Variants in PCDHA2 observed in about 807,000 individuals in gnomAD.
PCDHA2 encodes protocadherin alpha 2.
A neutral mutation model predicts 66.0 loss-of-function variants in PCDHA2; 58 were observed. The observed-to-expected ratio is 0.88, with a 90% CI of 0.71 to 1.09. The LOEUF (loss-of-function observed/expected upper bound fraction) is 1.09. Ranked by LOEUF, PCDHA2 falls within the 50% of genes least tolerant of loss-of-function variation. PCDHA2 has a pLI of 0.00. For missense variants in PCDHA2, 1,267 were observed against 1,242.3 expected, an observed-to-expected ratio of 1.02 and a Z score of -0.30; for synonymous variants, 634 against 554.0, an observed-to-expected ratio of 1.14 and a Z score of -2.03.
chr5:141,006,872 G>T (rs1211849672), intron 3 of PCDHA2, among the ~76,000 whole-genome samples: 1 of 152,144 alleles, frequency 6.6e-6, no homozygotes, highest in Non-Finnish European at 1.5e-5. Flanking sequence ...ATAGATTCGA[G>T]GAATCAAGAG....
intron 1 of PCDHA2, chr5:140,869,367 T>G (rs2051076893): frequency 6.2e-7 from 1 of 1,614,002 alleles, no homozygotes; most frequent in South Asian, 1.1e-5. Context: ...TTGTGAATTC[T>G]CGGATCGACC....
chr5:140,921,824 A>G (rs1554200461), intron 1 of PCDHA2, among the ~76,000 whole-genome samples: 1 of 152,172 alleles, frequency 6.6e-6, no homozygotes. Flanking sequence ...GTGAATATCT[A>G]TACACATATA....
intron 1 of PCDHA2, chr5:140,849,943 ACG>A (rs2041244627): frequency 1.3e-6 from 2 of 1,597,782 alleles, no homozygotes; most frequent in Admixed American, 1.7e-5. Context: ...CGGGACGCTG[ACG>A]CGCAGGAGAA....
chr5:140,835,404 G>A, intron 1 of PCDHA2: 1 of 1,614,010 alleles, frequency 6.2e-7, no homozygotes, highest in Non-Finnish European at 8.5e-7. Flanking sequence ...TGTGGAAGTT[G>A]TGGATGTAAA....
intron 1 of PCDHA2, among the ~76,000 whole-genome samples, chr5:140,902,661 C>T (rs1554190552): frequency 6.6e-6 from 1 of 152,036 alleles, no homozygotes; most frequent in Non-Finnish European, 1.5e-5. Flanking sequence ...CACCTGTCAC[C>T]CAAGCAGTGT....
intron 3 of PCDHA2, among the ~76,000 whole-genome samples, chr5:140,989,548 T>G (rs914557459): frequency 1.3e-5 from 2 of 152,166 alleles, no homozygotes; most frequent in Non-Finnish European, 2.9e-5. Flanking sequence ...TGTAATTCCT[T>G]TACGTTTTGT....
At chr5:140,906,807 A>G (rs2072952420) in intron 1 of PCDHA2, among the ~76,000 whole-genome samples, 1 of 152,004 alleles carries the variant, frequency 6.6e-6, no homozygotes, top group African/African-American at 2.4e-5. Flanking sequence ...ACTCTTCCTT[A>G]CCTCCACTGT....
At chr5:140,802,007 T>C in intron 1 of PCDHA2, 1 of 1,614,172 alleles carries the variant, frequency 6.2e-7, no homozygotes. Context: ...CCGATTTGGA[T>C]GAAGGAGTAA....
intron 1 of PCDHA2, chr5:140,808,730 G>A (rs1554124735): frequency 4.3e-6 from 7 of 1,612,050 alleles, no homozygotes; most frequent in Non-Finnish European, 5.9e-6. Flanking sequence ...TGCGGAGAGC[G>A]GCAAGGTGTA....
At chr5:140,810,918 C>A (rs1328218288) in intron 1 of PCDHA2, 3 of 152,014 alleles carry the variant, frequency 2.0e-5, no homozygotes, top group Non-Finnish European at 4.4e-5. Context: ...TCTTTTATTT[C>A]ATTGTTTACA....
rs2150461190 is a variant in PCDHA2 at position 140,849,977 on chromosome 5, G to C, written c.2388+52625G>C. On this transcript the variant is annotated intron_variant, in intron 1 of 3. Coordinates refer to ENST00000526136, the MANE Select transcript of PCDHA2 (RefSeq NM_018905.3). ...AGAACGCCCTGGTGTCCTACTCGCT[G>C]GTGGAGCGGCGGTTGGGCGAGCGCT... 2.2e-5 allele frequency: 35 copies of C among 1,597,540 alleles called. 4 individuals are homozygous for C. The highest frequency in any genetic ancestry group is 3.0e-5 in the Non-Finnish European group (35 of 1,167,900).
chr5:140,863,010 A>ACGCCTGGTTGT (rs782452232), intron 1 of PCDHA2: 1 of 552,120 alleles, frequency 1.8e-6, no homozygotes, highest in African/African-American at 1.9e-5. Context: ...TCCAGCTATG[A>ACGCCTGGTTGT]CGCCTGGTTG....
chr5:140,858,881 T>A (rs1466953448), intron 1 of PCDHA2: 7 of 242,834 alleles, frequency 2.9e-5, no homozygotes, highest in Non-Finnish European at 5.6e-5. Flanking sequence ...TTTTCCTCCA[T>A]GTGTAGAATA....
intron 1 of PCDHA2, among the ~76,000 whole-genome samples, chr5:140,961,483 G>A (rs1365864551): frequency 6.6e-6 from 1 of 152,090 alleles, no homozygotes; most frequent in Non-Finnish European, 1.5e-5. Context: ...TCTTGTCCAC[G>A]TGAGTATATT....
intron 1 of PCDHA2, among the ~76,000 whole-genome samples, chr5:140,957,202 A>G (rs75358038): frequency 1.8e-4 from 28 of 152,316 alleles, no homozygotes; most frequent in Non-Finnish European, 2.9e-4. Flanking sequence ...TGGGAATATA[A>G]ATAGGCACAA....
intron 1 of PCDHA2, chr5:140,883,658 G>T (rs573544891): frequency 6.2e-7 from 1 of 1,613,994 alleles, no homozygotes; most frequent in Non-Finnish European, 8.5e-7. Context: ...CACGGTGTTC[G>T]TGAAGGAAAA....
chr5:140,877,914 A>AT (rs2057394520), intron 1 of PCDHA2: 3 of 1,426,804 alleles, frequency 2.1e-6, no homozygotes, highest in Non-Finnish European at 2.8e-6. Flanking sequence ...ACATTCTCTC[A>AT]TTTTTCTTTA....
chr5:140,883,973 G>A (rs782157297), intron 1 of PCDHA2: 45 of 1,612,722 alleles, frequency 2.8e-5, no homozygotes, highest in Non-Finnish European at 3.5e-5. Flanking sequence ...GCTGACGCCC[G>A]GGGCTGGCAG....
At chr5:140,933,446 C>T (rs543444309) in intron 1 of PCDHA2, among the ~76,000 whole-genome samples, 1 of 151,990 alleles carries the variant, frequency 6.6e-6, no homozygotes, top group Non-Finnish European at 1.5e-5. Flanking sequence ...AATGACATAC[C>T]TTCAAAATAT....
Sources: gnomAD v4.1 joint callset for allele counts (sites outside exome capture counted in the v4.1 genomes callset) on GRCh38, gnomAD v4.1.1 for gene constraint, MANE v1.5 for transcripts, NCBI Gene and HGNC (gene_info 2026-07-23, HGNC 2026-07-21) for gene names.